WWOX: variants seen among roughly 807,000 people sequenced by gnomAD.
WWOX encodes the protein WW domain containing oxidoreductase, also known as WW domain-containing oxidoreductase.
Under a neutral mutation model 46.2 loss-of-function variants are expected in WWOX, and 69 were observed. That is an observed-to-expected ratio of 1.49 (90% CI 1.23 to 1.82). The LOEUF (loss-of-function observed/expected upper bound fraction) is 1.82. Among genes scored for constraint, WWOX ranks in the 40% most tolerant of loss-of-function variants. The pLI is 0.00. For missense variants in WWOX, 919 were observed against 542.6 expected, an observed-to-expected ratio of 1.69 and a Z score of -6.89; for synonymous variants, 359 against 202.6, an observed-to-expected ratio of 1.77 and a Z score of -6.56.
chr16:78,109,472 T>C (rs774448365), intron 2 of WWOX, among the ~76,000 whole-genome samples: 1 of 152,232 alleles, frequency 6.6e-6, no homozygotes, highest in African/African-American at 2.4e-5. Context: ...CATATACATA[T>C]GTTCTTTGAG....
At chr16:78,988,641 G>A (rs946833420) in intron 8 of WWOX, among the ~76,000 whole-genome samples, 1 of 152,186 alleles carries the variant, frequency 6.6e-6, no homozygotes, top group Non-Finnish European at 1.5e-5. Flanking sequence ...GGAAGTTACT[G>A]ATGTGTTCAT....
intron 8 of WWOX, among the ~76,000 whole-genome samples, chr16:78,806,564 C>G (rs973225909): frequency 3.9e-5 from 6 of 152,008 alleles, no homozygotes; most frequent in East Asian, 1.9e-4. Context: ...GCTGGAGGGT[C>G]TATTGGCTGG....
intron 8 of WWOX, among the ~76,000 whole-genome samples, chr16:78,792,022 A>T (rs971921602): frequency 6.6e-6 from 1 of 152,052 alleles, no homozygotes; most frequent in African/African-American, 2.4e-5. Flanking sequence ...ACATTCCCTT[A>T]TTTCACCTTG....
chr16:78,511,760 T>G (rs1376906151), intron 8 of WWOX, among the ~76,000 whole-genome samples: 1 of 152,200 alleles, frequency 6.6e-6, no homozygotes, highest in Non-Finnish European at 1.5e-5. Context: ...GATTTCAGGT[T>G]CATCTTGAAA....
chr16:78,667,882 G>T (rs1209211799), intron 8 of WWOX, among the ~76,000 whole-genome samples: 1 of 151,994 alleles, frequency 6.6e-6, no homozygotes, highest in Non-Finnish European at 1.5e-5. Flanking sequence ...CCATACCTCT[G>T]TGTGTGTTCC....
At chr16:78,853,623 C>T (rs555162810) in intron 8 of WWOX, among the ~76,000 whole-genome samples, 1 of 152,064 alleles carries the variant, frequency 6.6e-6, no homozygotes, top group Non-Finnish European at 1.5e-5. Flanking sequence ...TCTGAAAAAC[C>T]TGTAGTACTT....
At chr16:79,007,846 G>T (rs1454224602) in intron 8 of WWOX, among the ~76,000 whole-genome samples, 1 of 152,180 alleles carries the variant, frequency 6.6e-6, no homozygotes, top group African/African-American at 2.4e-5. Flanking sequence ...CCCTTTATTA[G>T]TCACTCATGG....
At position 78,410,604 on chromosome 16, in the gene WWOX, G is replaced by A. The variant is rs117285279; in HGVS notation, c.606-14266G>A. ...GTGAGTGGACCATTTGAGGTTAGGA[G>A]TTTGAGACCAACCTGGCCAACATGG... On this transcript the variant is annotated intron_variant, in intron 6 of 8. Coordinates refer to ENST00000566780, the MANE Select transcript of WWOX (RefSeq NM_016373.4). 6.6e-3 allele frequency among the ~76,000 whole-genome samples: 997 copies of A among 152,030 alleles called. 5 individuals carry two copies. The highest frequency in any genetic ancestry group is 0.011 in the Admixed American group (169 of 15,252).
chr16:78,936,469 A>C (rs896203124), intron 8 of WWOX, among the ~76,000 whole-genome samples: 1 of 152,138 alleles, frequency 6.6e-6, no homozygotes, highest in Non-Finnish European at 1.5e-5. Context: ...CAGTGAATAA[A>C]TAGGTACATA....
chr16:78,781,171 G>C (rs1597598993), intron 8 of WWOX, among the ~76,000 whole-genome samples: 1 of 152,346 alleles, frequency 6.6e-6, no homozygotes, highest in East Asian at 1.9e-4. Context: ...CACAACTGAA[G>C]TGTTGATGGG....
intron 8 of WWOX, among the ~76,000 whole-genome samples, chr16:78,946,039 A>G (rs745730775): frequency 1.3e-5 from 2 of 152,158 alleles, no homozygotes; most frequent in Non-Finnish European, 2.9e-5. Flanking sequence ...GCACTTCGCA[A>G]TGAAGCTGTG....
intron 8 of WWOX, among the ~76,000 whole-genome samples, chr16:79,124,774 G>T (rs1324521069): frequency 1.3e-5 from 2 of 152,196 alleles, no homozygotes; most frequent in Admixed American, 6.5e-5. Flanking sequence ...TGGTTAGAAA[G>T]TGTGCAATTT....
chr16:78,392,215 G>C (rs533807108), intron 6 of WWOX, among the ~76,000 whole-genome samples: 74 of 152,116 alleles, frequency 4.9e-4, no homozygotes, highest in African/African-American at 1.7e-3. Context: ...TAGTGCCTCA[G>C]GTCCTCCCCC....
At chr16:78,553,966 G>A (rs2044231088) in intron 8 of WWOX, among the ~76,000 whole-genome samples, 1 of 152,122 alleles carries the variant, frequency 6.6e-6, no homozygotes, top group African/African-American at 2.4e-5. Flanking sequence ...GCAGAGGGCT[G>A]TGATGCTCTA....
chr16:78,615,939 A>G lies in WWOX; in HGVS notation c.1056+183187A>G, dbSNP rs2046013661. Among the ~76,000 whole-genome samples, 3 of 152,120 alleles carry G rather than the reference A, an allele frequency of 2.0e-5. 1 individual carries two copies. Among genetic ancestry groups the G allele is most frequent in the East Asian group, 3.9e-4 (2 of 5,144 alleles). On this transcript the variant is annotated intron_variant, in intron 8 of 8. Coordinates refer to ENST00000566780, the MANE Select transcript of WWOX (RefSeq NM_016373.4). ...CTAATTTTTTGTATTTTTAGTAGAGACAGGGTTTCACTGTGTTAGCCAGGA... is the reference window on the plus strand; with the variant it reads ...CTAATTTTTTGTATTTTTAGTAGAGGCAGGGTTTCACTGTGTTAGCCAGGA...
intron 4 of WWOX, among the ~76,000 whole-genome samples, chr16:78,119,619 C>A (rs1005861760): frequency 6.7e-6 from 1 of 150,140 alleles, no homozygotes; most frequent in Non-Finnish European, 1.5e-5. Context: ...GTGAGACATC[C>A]ATTAAATTTT....
intron 2 of WWOX, 88 bp downstream of exon 2, chr16:78,108,575 T>C (rs2032300628): frequency 6.8e-7 from 1 of 1,475,846 alleles, no homozygotes; most frequent in South Asian, 1.2e-5. Context: ...GGTTATTGTG[T>C]GTTTAGGGAG....
Position 78,921,263 on chromosome 16 carries a change from A to G in WWOX, c.1057-290345A>G, listed in dbSNP as rs528083974. Among the ~76,000 whole-genome samples, 3 of 152,322 alleles carry G rather than the reference A, an allele frequency of 2.0e-5. No individual in the cohort carries two copies. The East Asian group carries it at 5.8e-4, about 29-fold the overall frequency. On this transcript the variant is annotated intron_variant, in intron 8 of 8. Transcript: ENST00000566780. ...GAAACCGCACTGTGCCAGAATAGAT[A>G]CAGCTACGTCAAAATGCCGCATTTA...
At chr16:78,407,947 T>C (rs960030719) in intron 6 of WWOX, among the ~76,000 whole-genome samples, 1 of 152,218 alleles carries the variant, frequency 6.6e-6, no homozygotes, top group East Asian at 1.9e-4. Context: ...AATGTAGGAA[T>C]GGACATATCC....
Sources: gnomAD v4.1 joint callset for allele counts (sites outside exome capture counted in the v4.1 genomes callset) on GRCh38, gnomAD v4.1.1 for gene constraint, MANE v1.5 for transcripts, NCBI Gene and HGNC (gene_info 2026-07-23, HGNC 2026-07-21) for gene names.